The following ZBTB43 variants were observed in gnomAD, a reference collection of about 807,000 sequenced individuals.
ZBTB43 encodes zinc finger and BTB domain containing 43, also known as zinc finger and BTB domain-containing protein 43.
Under a neutral mutation model 31.1 loss-of-function variants are expected in ZBTB43, and 6 were observed. The observed-to-expected ratio is 0.19, with a 90% CI of 0.11 to 0.38. The LOEUF (loss-of-function observed/expected upper bound fraction) is 0.38, where lower values mean the gene tolerates loss of function less well. Among genes scored for constraint, ZBTB43 ranks in the 10% least tolerant of loss-of-function variants. The pLI is 1.00. For missense variants in ZBTB43, 379 were observed against 602.1 expected (o/e 0.63, Z 3.88); for synonymous variants, 212 against 221.7 (o/e 0.96, Z 0.39).
chr9:126,807,306 C>G (rs987611810), intron 1 of ZBTB43, among the ~76,000 whole-genome samples: 22 of 150,338 alleles, frequency 1.5e-4, no homozygotes, highest in Non-Finnish European at 1.9e-4. Context: ...GTATCAATGC[C>G]TATTCTAATG....
chr9:126,832,227 A>C (rs761569234), intron 2 of ZBTB43: 3 of 409,806 alleles, frequency 7.3e-6, no homozygotes, highest in Non-Finnish European at 1.3e-5. Flanking sequence ...ATAGCTTACA[A>C]ATCTTGTCCC....
intron 2 of ZBTB43, among the ~76,000 whole-genome samples, chr9:126,827,870 G>A (rs534022192): frequency 5.9e-5 from 9 of 152,130 alleles, no homozygotes; most frequent in East Asian, 3.9e-4. Flanking sequence ...AAAATTAGCC[G>A]GGCATGGTGG....
chr9:126,832,417 C>G, intron 2 of ZBTB43, 70 bp from the exon 3 acceptor site: 2 of 1,410,384 alleles, frequency 1.4e-6, no homozygotes, highest in South Asian at 1.4e-5. Flanking sequence ...CTTGTCTTAA[C>G]AATGGAGGAG....
In ZBTB43 at chr9:126,833,037, T is replaced by C; in HGVS notation, c.528T>C (p.Asn176=). ...PKAQELRDGE[N]EEESTKDELS... ...CCCAAGAACTGAGAGATGGTGAAAATGAAGAGGAGAGCACCAAAGACGAGC... is the reference window on the plus strand; with the variant it reads ...CCCAAGAACTGAGAGATGGTGAAAACGAAGAGGAGAGCACCAAAGACGAGC... The change falls in exon 3 of 3, where the codon AAT becomes AAC. Residue 176 remains asparagine (N), a synonymous_variant. Transcript: ENST00000373464. This position sits in a 1 kb window ranked among gnomAD's most constrained non-coding sequence, Gnocchi z 7.9. The C allele has an allele frequency of 6.2e-7, 1 of 1,613,596 alleles. No homozygotes were observed. Among genetic ancestry groups the C allele is most frequent in the Non-Finnish European group, 8.5e-7 (1 of 1,179,964 alleles).
At chr9:126,818,730 G>A (rs777186437) in intron 2 of ZBTB43, among the ~76,000 whole-genome samples, 1 of 152,188 alleles carries the variant, frequency 6.6e-6, no homozygotes, top group Non-Finnish European at 1.5e-5. Context: ...TGCTGGTGGT[G>A]TATAATTCTT....
intron 2 of ZBTB43, among the ~76,000 whole-genome samples, chr9:126,811,346 A>G (rs1019200541): frequency 6.6e-6 from 1 of 152,170 alleles, no homozygotes; most frequent in Non-Finnish European, 1.5e-5. Flanking sequence ...TATGACCTTA[A>G]GTTGCTTAGC....
intron 2 of ZBTB43, among the ~76,000 whole-genome samples, chr9:126,819,708 A>G (rs2032470060): frequency 6.6e-6 from 1 of 152,210 alleles, no homozygotes; most frequent in Non-Finnish European, 1.5e-5. Flanking sequence ...TCTTACTTGA[A>G]ATCAAAAGCT....
intron 2 of ZBTB43, among the ~76,000 whole-genome samples, chr9:126,827,623 A>AT (rs1162323435): frequency 2.0e-5 from 3 of 152,204 alleles, no homozygotes; most frequent in Admixed American, 6.5e-5. Context: ...GAACCAACCC[A>AT]TGGAGCTTCT....
Position 126,835,433 on chromosome 9 carries a change from T to C in ZBTB43, c.*1520T>C, listed in dbSNP as rs2032858471. On this transcript the variant is annotated 3_prime_UTR_variant, in exon 3 of 3. Transcript: ENST00000373464. Reference sequence around the variant, plus strand: ...GGGTTATTTACTTCTAAATAGAAACTTTTTTTTCTTAAAATAAAAATAATT... The same window carrying C: ...GGGTTATTTACTTCTAAATAGAAACCTTTTTTTCTTAAAATAAAAATAATT... The C allele has an allele frequency of 6.0e-6, 1 of 166,918 alleles. No homozygotes were observed. The highest frequency in any genetic ancestry group is 2.4e-5 in the African/African-American group (1 of 41,398). 10.3% of individuals were successfully genotyped at this position (166,918 alleles called of 1,614,324 possible).
At chr9:126,817,477 G>GT (rs373778326) in intron 2 of ZBTB43, among the ~76,000 whole-genome samples, 3,655 of 127,684 alleles carry the variant, frequency 0.029, 69 homozygotes, top group African/African-American at 0.046. Context: ...GTTCCATGAA[G>GT]TTTTTTTTTT....
rs1258721173 is a variant in ZBTB43, at chr9:126,832,536, G to A, written c.27G>A (p.Arg9=). The change falls in exon 3 of 3, where the codon CGG becomes CGA. Residue 9 remains arginine, a synonymous_variant. Transcript: ENST00000373464. MEPGTNSF[R]VEFPDFSSTI... ...TGGAGCCTGGAACAAACTCTTTTCG[G>A]GTAGAATTTCCTGATTTTTCCAGCA... is the stretch of plus-strand genomic sequence containing the variant. 6.2e-7 allele frequency: 1 copy of A among 1,608,506 alleles called. No individual in the cohort carries two copies. The highest frequency in any genetic ancestry group is 2.2e-5 in the East Asian group (1 of 44,684).
rs2032865143 is a variant in ZBTB43, at chr9:126,835,726, A to G, written c.*1813A>G. The G allele has an allele frequency of 4.2e-5, 7 of 166,264 alleles. No individual in the cohort carries two copies. The allele number at this position is 166,264 out of a possible 1,614,324, so 10.3% of individuals were successfully genotyped here. On this transcript the variant is annotated 3_prime_UTR_variant, in exon 3 of 3. Transcript: ENST00000373464. ...AAAACTTTATTATAAATATATATATATATTGTTTTTTTTTAAACCTAGAAA... is the reference window on the plus strand; with the variant it reads ...AAAACTTTATTATAAATATATATATGTATTGTTTTTTTTTAAACCTAGAAA...
chr9:126,805,073 C>G lies in ZBTB43; in HGVS notation c.-206C>G, dbSNP rs1023608236. On this transcript the variant is annotated 5_prime_UTR_variant, in exon 1 of 3. Transcript: ENST00000373464. ...TGCGGCAGCTGAGGCTACAACAGGC[C>G]TGCGCCGGCGGCAGAGAGGATATCT... The G allele has an allele frequency of 6.6e-6, 1 of 152,528 alleles. No homozygotes were observed. Among genetic ancestry groups the G allele is most frequent in the African/African-American group, 2.4e-5 (1 of 41,474 alleles). 9.4% of individuals were successfully genotyped at this position (152,528 alleles called of 1,614,324 possible).
At chr9:126,814,695 A>G (rs2119123293) in intron 2 of ZBTB43, among the ~76,000 whole-genome samples, 1 of 152,248 alleles carries the variant, frequency 6.6e-6, no homozygotes, top group East Asian at 1.9e-4. Flanking sequence ...TGGGAGGCTG[A>G]GGCAGGAGAA....
chr9:126,816,056 G>A (rs1354889384), intron 2 of ZBTB43, among the ~76,000 whole-genome samples: 1 of 152,096 alleles, frequency 6.6e-6, no homozygotes, highest in African/African-American at 2.4e-5. Flanking sequence ...CCACTACTGA[G>A]GTAAGGCTTT....
chr9:126,832,283 A>T (rs1485936971), intron 2 of ZBTB43: 1 of 541,498 alleles, frequency 1.8e-6, no homozygotes, highest in African/African-American at 1.9e-5. Flanking sequence ...CAAAATCAGG[A>T]GTTCCACAAG....
Position 126,815,285 on chromosome 9 carries a change from GTTTTCAATATA to G in ZBTB43, c.-24+6372_-24+6382del, listed in dbSNP as rs1386843989. On this transcript the variant is annotated intron_variant, in intron 2 of 2. Coordinates refer to ENST00000373464, the MANE Select transcript of ZBTB43 (RefSeq NM_014007.4). ...CAATATATAAAACTATATATATATA[GTTTTCAATATA>G]TAAAACTATATATATAGTTTTCAAT... Among the ~76,000 whole-genome samples, 479 of 114,522 alleles carry G rather than the reference GTTTTCAATATA, an allele frequency of 4.2e-3. 7 individuals are homozygous for G. Among genetic ancestry groups the G allele is most frequent in the African/African-American group, 0.015 (449 of 30,306 alleles). The allele number at this position is 114,522 out of a possible 152,430, so 75.1% of individuals were successfully genotyped here.
chr9:126,806,896 T>A (rs928137540), intron 1 of ZBTB43, among the ~76,000 whole-genome samples: 2 of 152,236 alleles, frequency 1.3e-5, no homozygotes, highest in African/African-American at 4.8e-5. Flanking sequence ...TCCCTCTGCC[T>A]TTCTTGGAAT....
intron 2 of ZBTB43, among the ~76,000 whole-genome samples, chr9:126,811,009 G>A (rs1305665378): frequency 1.3e-5 from 2 of 151,620 alleles, no homozygotes; most frequent in African/African-American, 4.8e-5. Context: ...TCACATGAGG[G>A]TCAGGAGTTC....
Sources: gnomAD v4.1 joint callset for allele counts (sites outside exome capture counted in the v4.1 genomes callset) on GRCh38, gnomAD v4.1.1 for gene constraint, Gnocchi (gnomAD v3.1) non-coding constraint, MANE v1.5 for transcripts, NCBI Gene and HGNC (gene_info 2026-07-23, HGNC 2026-07-21) for gene names.